The following XKR3 variants were observed in gnomAD, a reference collection of about 807,000 sequenced individuals.
XKR3 encodes XK related 3, also known as XK-related protein 3.
A neutral mutation model predicts 40.3 loss-of-function variants in XKR3; 27 were observed. That is an observed-to-expected ratio of 0.67 (90% CI 0.49 to 0.92). The LOEUF is 0.92. XKR3 is among the 40% of genes least tolerant of loss of function. XKR3 has a pLI of 0.00. For synonymous variants in XKR3, 193 were observed against 195.4 expected, an observed-to-expected ratio of 0.99 and a Z score of 0.10; for missense variants, 472 against 537.6, an observed-to-expected ratio of 0.88 and a Z score of 1.21.
chr22:16,792,242 G>A (rs1341971603), intron 3 of XKR3, among the ~76,000 whole-genome samples: 3 of 152,120 alleles, frequency 2.0e-5, no homozygotes, highest in East Asian at 1.9e-4. Context: ...CACCATGCCC[G>A]GCCTACACTG....
intron 1 of XKR3, among the ~76,000 whole-genome samples, chr22:16,812,484 G>A (rs1187287444): frequency 6.6e-6 from 1 of 152,064 alleles, no homozygotes; most frequent in Non-Finnish European, 1.5e-5. Flanking sequence ...AGACCAGCCT[G>A]ACCAACATGG....
intron 3 of XKR3, among the ~76,000 whole-genome samples, chr22:16,787,869 G>GA (rs1173011233): frequency 6.6e-6 from 1 of 151,796 alleles, no homozygotes; most frequent in Non-Finnish European, 1.5e-5. Flanking sequence ...TGCAAAGGGA[G>GA]AAAAAAACTA....
intron 3 of XKR3, among the ~76,000 whole-genome samples, chr22:16,788,951 A>G (rs777702566): frequency 9.1e-4 from 138 of 152,326 alleles, no homozygotes; most frequent in Non-Finnish European, 1.5e-3. Flanking sequence ...TCTTTTTATA[A>G]TAAAATCTCT....
chr22:16,817,645 T>C (rs1213689086), intron 1 of XKR3, among the ~76,000 whole-genome samples: 1 of 152,172 alleles, frequency 6.6e-6, no homozygotes, highest in Non-Finnish European at 1.5e-5. Context: ...TATATCCACA[T>C]TTACTCCTCA....
At chr22:16,802,106 A>G (rs2060171769) in intron 2 of XKR3, among the ~76,000 whole-genome samples, 1 of 152,172 alleles carries the variant, frequency 6.6e-6, no homozygotes, top group Admixed American at 6.5e-5. Flanking sequence ...TGGCCATAAT[A>G]TATCATTTCA....
Position 16,808,064 on chromosome 22 carries a change from C to T in XKR3, c.10G>A (p.Val4Met), listed in dbSNP as rs1601847779. The T allele has an allele frequency of 6.2e-7, 1 of 1,600,916 alleles. No individual in the cohort carries two copies. Among genetic ancestry groups the T allele is most frequent in the Non-Finnish European group, 8.5e-7 (1 of 1,174,070 alleles). The change falls in exon 2 of 4, where the codon GTG becomes ATG. Residue 4 changes from valine (V) to methionine (M), a missense_variant. Coordinates refer to ENST00000684488, the MANE Select transcript of XKR3 (RefSeq NM_001386955.1). ...CTTTCTTCATCCATCTCTTCAAACA[C>T]TGTCTCCATTCTCAGGGTGCTGCTA... MET[V>M]FEEMDEESTG...
intron 1 of XKR3, among the ~76,000 whole-genome samples, chr22:16,822,775 T>C (rs2060262113): frequency 6.6e-6 from 1 of 152,242 alleles, no homozygotes; most frequent in Admixed American, 6.5e-5. Flanking sequence ...GTTACAATAC[T>C]GTCACTTCTA....
intron 1 of XKR3, among the ~76,000 whole-genome samples, chr22:16,815,103 G>A (rs1017714872): frequency 3.3e-5 from 5 of 151,478 alleles, no homozygotes; most frequent in Non-Finnish European, 7.4e-5. Flanking sequence ...TTGTGTAGAT[G>A]CCTTTTTTCA....
At chr22:16,823,776 T>C (rs1331582500) in intron 1 of XKR3, among the ~76,000 whole-genome samples, 1 of 149,992 alleles carries the variant, frequency 6.7e-6, no homozygotes, top group Admixed American at 6.7e-5. Context: ...ATTCAAAATA[T>C]GAAACTTTAG....
intron 1 of XKR3, among the ~76,000 whole-genome samples, chr22:16,813,461 G>A (rs911289605): frequency 6.6e-6 from 1 of 151,964 alleles, no homozygotes; most frequent in Non-Finnish European, 1.5e-5. Context: ...TTTTTAAGCC[G>A]AGCATACTGA....
chr22:16,805,910 G>T (rs2146165694), intron 2 of XKR3, among the ~76,000 whole-genome samples: 1 of 152,258 alleles, frequency 6.6e-6, no homozygotes. Context: ...CAGTAGGAGT[G>T]GAGAAGGATG....
chr22:16,809,794 G>C (rs1314810859), intron 1 of XKR3, among the ~76,000 whole-genome samples: 1 of 152,066 alleles, frequency 6.6e-6, no homozygotes, highest in Non-Finnish European at 1.5e-5. Flanking sequence ...GTCTGGTTCT[G>C]TTGTCCAGGC....
chr22:16,802,639 G>A (rs1214228919), intron 2 of XKR3, among the ~76,000 whole-genome samples: 18 of 151,974 alleles, frequency 1.2e-4, no homozygotes, highest in Admixed American at 8.5e-4. Flanking sequence ...ACAGGTGGGC[G>A]CCACCAAACC....
At chr22:16,813,028 T>TA in intron 1 of XKR3, among the ~76,000 whole-genome samples, 1 of 152,308 alleles carries the variant, frequency 6.6e-6, no homozygotes, top group African/African-American at 2.4e-5. Context: ...CTCACGCCTG[T>TA]AATCCCAGCA....
chr22:16,811,754 A>G (rs1351361166), intron 1 of XKR3, among the ~76,000 whole-genome samples: 3 of 152,128 alleles, frequency 2.0e-5, no homozygotes, highest in Non-Finnish European at 4.4e-5. Flanking sequence ...CACGCCTGAA[A>G]TCCCAACACT....
intron 1 of XKR3, among the ~76,000 whole-genome samples, chr22:16,817,971 C>T (rs1327138877): frequency 6.6e-6 from 1 of 151,960 alleles, no homozygotes; most frequent in Non-Finnish European, 1.5e-5. Flanking sequence ...GAAGCACTGC[C>T]AACTTTATTT....
chr22:16,792,596 C>T (rs1227677843), intron 3 of XKR3, among the ~76,000 whole-genome samples: 2 of 152,218 alleles, frequency 1.3e-5, no homozygotes, highest in African/African-American at 4.8e-5. Context: ...AACTGCTTCT[C>T]ATTTGGTTTG....
At chr22:16,795,733 G>C (rs1053252051) in intron 3 of XKR3, among the ~76,000 whole-genome samples, 1 of 152,068 alleles carries the variant, frequency 6.6e-6, no homozygotes, top group African/African-American at 2.4e-5. Flanking sequence ...TTCAGAGGTT[G>C]ACATGGGAGG....
intron 2 of XKR3, among the ~76,000 whole-genome samples, chr22:16,800,418 T>C (rs1474828461): frequency 6.6e-6 from 1 of 152,236 alleles, no homozygotes; most frequent in Non-Finnish European, 1.5e-5. Flanking sequence ...AAACATACTA[T>C]TCTGACAACT....
Sources: gnomAD v4.1 joint callset for allele counts (sites outside exome capture counted in the v4.1 genomes callset) on GRCh38, gnomAD v4.1.1 for gene constraint, MANE v1.5 for transcripts, NCBI Gene and HGNC (gene_info 2026-07-23, HGNC 2026-07-21) for gene names.